The following PROKR1 variants were observed in gnomAD, a reference collection of about 807,000 sequenced individuals.
PROKR1 encodes prokineticin receptor 1, also known as G protein-coupled receptor 73.
A neutral mutation model predicts 22.8 loss-of-function variants in PROKR1; 21 were observed. The ratio of observed to expected loss-of-function variants is 0.92; its 90% CI spans 0.65 to 1.32. PROKR1 has a LOEUF of 1.32. Ranked by LOEUF, PROKR1 falls within the 40% of genes most tolerant of loss-of-function variation. The pLI is 0.00. For missense variants in PROKR1, 548 were observed against 514.2 expected, an observed-to-expected ratio of 1.07 and a Z score of -0.64; for synonymous variants, 193 against 207.5, an observed-to-expected ratio of 0.93 and a Z score of 0.60.
At position 68,652,985 on chromosome 2, in the gene PROKR1, A is replaced by G. The variant is rs1409369928; in HGVS notation, c.486-1895A>G. On this transcript the variant is annotated intron_variant, in intron 2 of 2. Transcript: ENST00000303786. ...AGAATTATGTGGTGAAAATTCTTAT[A>G]GTGAATAAATATGAAATAGGAAATT... Among the ~76,000 whole-genome samples the G allele has an allele frequency of 3.3e-5, 5 of 152,262 alleles. No homozygotes were observed. The East Asian group carries it at 9.6e-4, about 29-fold the overall frequency.
chr2:68,652,648 A>G (rs1408285357), intron 2 of PROKR1, among the ~76,000 whole-genome samples: 4 of 149,808 alleles, frequency 2.7e-5, no homozygotes, highest in Non-Finnish European at 5.9e-5. Flanking sequence ...TGTATACAGA[A>G]TAGCTCTGGG....
Position 68,646,147 on chromosome 2 carries a change from T to C in PROKR1, c.326T>C (p.Phe109Ser), listed in dbSNP as rs1405636354. 6.2e-7 allele frequency: 1 copy of C among 1,609,402 alleles called. No individual in the cohort carries two copies. The highest frequency in any genetic ancestry group is 1.1e-5 in the South Asian group (1 of 90,392). ...LLIANLAISD[F>S]LVAIVCCPFE... ...ATCGCCAACCTGGCCATCTCTGACTTCCTGGTGGCCATTGTCTGCTGCCCC... is the reference window on the plus strand; with the variant it reads ...ATCGCCAACCTGGCCATCTCTGACTCCCTGGTGGCCATTGTCTGCTGCCCC... The change falls in exon 2 of 3, where the codon TTC (phenylalanine) becomes TCC (serine). Residue 109 changes from phenylalanine (F) to serine (S), a missense_variant. Coordinates refer to ENST00000303786, the MANE Select transcript of PROKR1 (RefSeq NM_138964.4).
rs574890319 is a variant in PROKR1, at chr2:68,655,949, G to A, written c.*373G>A. 46 of 337,394 alleles carry A rather than the reference G, an allele frequency of 1.4e-4. 4 individuals carry two copies. Among genetic ancestry groups the A allele is most frequent in the South Asian group, 9.0e-4 (35 of 38,872 alleles). The allele number at this position is 337,394 out of a possible 1,614,324, so 20.9% of individuals were successfully genotyped here. Reference sequence around the variant, plus strand: ...ATCTAGGATTGCAGTACATGTGTTCGTAGTGTGAGAGTATCTCTGGGACTA... The same window carrying A: ...ATCTAGGATTGCAGTACATGTGTTCATAGTGTGAGAGTATCTCTGGGACTA... On this transcript the variant is annotated 3_prime_UTR_variant, in exon 3 of 3. Transcript: ENST00000303786.
intron 1 of PROKR1, among the ~76,000 whole-genome samples, chr2:68,644,668 C>T (rs2104177662): frequency 6.6e-6 from 1 of 152,338 alleles, no homozygotes; most frequent in South Asian, 2.1e-4. Flanking sequence ...ATTCTTCCCT[C>T]TGTTCTCCTG....
intron 1 of PROKR1, among the ~76,000 whole-genome samples, chr2:68,644,423 A>G (rs1051356440): frequency 6.6e-6 from 1 of 152,124 alleles, no homozygotes; most frequent in African/African-American, 2.4e-5. Flanking sequence ...GGGCTGAGCC[A>G]GACAGAATTG....
Position 68,655,961 on chromosome 2 carries a change from T to C in PROKR1, c.*385T>C, listed in dbSNP as rs1260832755. On this transcript the variant is annotated 3_prime_UTR_variant, in exon 3 of 3. Coordinates refer to ENST00000303786, the MANE Select transcript of PROKR1 (RefSeq NM_138964.4). ...AGTACATGTGTTCGTAGTGTGAGAGTATCTCTGGGACTATTCTTGCACTGG... is the reference window on the plus strand; with the variant it reads ...AGTACATGTGTTCGTAGTGTGAGAGCATCTCTGGGACTATTCTTGCACTGG... 1 of 325,490 alleles carries C rather than the reference T, an allele frequency of 3.1e-6. No individual in the cohort carries two copies. The highest frequency in any genetic ancestry group is 4.6e-5 in the Admixed American group (1 of 21,734). 20.2% of individuals were successfully genotyped at this position (325,490 alleles called of 1,614,324 possible). A position where few individuals can be genotyped will look rare whatever the true frequency, so the allele number is the denominator to read the frequency against.
At chr2:68,645,111 C>T (rs1673145103) in intron 1 of PROKR1, among the ~76,000 whole-genome samples, 1 of 152,218 alleles carries the variant, frequency 6.6e-6, no homozygotes, top group Non-Finnish European at 1.5e-5. Flanking sequence ...CCATTCTCAT[C>T]ACTTGGTTAG....
In PROKR1 at chr2:68,643,664, G is replaced by A. The variant is rs998535408; in HGVS notation, c.-345G>A. ...GGACAGGGAGTCCGGCGCGGGCCGGGTCGGGGGATCTGCAGCGGCGGCGCG... is the reference window on the plus strand; with the variant it reads ...GGACAGGGAGTCCGGCGCGGGCCGGATCGGGGGATCTGCAGCGGCGGCGCG... On this transcript the variant is annotated 5_prime_UTR_variant, in exon 1 of 3. Transcript: ENST00000303786. 3.3e-5 allele frequency: 5 copies of A among 152,340 alleles called. No individual in the cohort carries two copies. The highest frequency in any genetic ancestry group is 3.3e-4 in the Admixed American group (5 of 15,290). The allele number at this position is 152,340 out of a possible 1,614,324, so 9.4% of individuals were successfully genotyped here.
chr2:68,645,504 T>A (rs548157767), intron 1 of PROKR1, among the ~76,000 whole-genome samples, 158 bp from the exon 2 acceptor site: 46 of 152,290 alleles, frequency 3.0e-4, no homozygotes, highest in Middle Eastern at 3.4e-3. Flanking sequence ...AGTATGTGGT[T>A]TTCATTCATT....
chr2:68,646,499 A>G (rs1673182672), intron 2 of PROKR1, among the ~76,000 whole-genome samples, 193 bp downstream of exon 2: 1 of 152,212 alleles, frequency 6.6e-6, no homozygotes, highest in Non-Finnish European at 1.5e-5. Flanking sequence ...CTTTGTTCAG[A>G]CAGAAGACAG....
chr2:68,647,586 G>A (rs1673215184), intron 2 of PROKR1, among the ~76,000 whole-genome samples: 1 of 152,132 alleles, frequency 6.6e-6, no homozygotes, highest in South Asian at 2.1e-4. Flanking sequence ...GAGACCGTAG[G>A]CAGGGCGACC....
intron 2 of PROKR1, among the ~76,000 whole-genome samples, 194 bp from the exon 3 acceptor site, chr2:68,654,686 T>C (rs541398821): frequency 3.5e-4 from 53 of 151,924 alleles, no homozygotes; most frequent in African/African-American, 1.3e-3. Flanking sequence ...TAGTCCCAGC[T>C]ACTTGGGAGG....
intron 2 of PROKR1, among the ~76,000 whole-genome samples, chr2:68,650,817 T>C (rs1673299374): frequency 6.6e-6 from 1 of 152,102 alleles, no homozygotes; most frequent in Non-Finnish European, 1.5e-5. Context: ...GGAGGCTTCA[T>C]GGAGGAGGTG....
Position 68,655,441 on chromosome 2 carries a change from C to T in PROKR1, c.1047C>T (p.Thr349=). ...TLCFVTVKND[T]VKYFKKIMLL... is the part of the protein sequence containing the mutation. ...GCTTCGTGACCGTCAAGAACGACACCGTCAAGTACTTCAAAAAGATCATGT... is the reference window on the plus strand; with the variant it reads ...GCTTCGTGACCGTCAAGAACGACACTGTCAAGTACTTCAAAAAGATCATGT... The change falls in exon 3 of 3, where the codon ACC becomes ACT. Residue 349 remains threonine, a synonymous_variant. Transcript: ENST00000303786. 6.2e-7 allele frequency: 1 copy of T among 1,614,038 alleles called. No individual in the cohort carries two copies. Among genetic ancestry groups the T allele is most frequent in the Non-Finnish European group, 8.5e-7 (1 of 1,179,898 alleles).
intron 1 of PROKR1, among the ~76,000 whole-genome samples, chr2:68,645,456 C>G (rs1348040587): frequency 6.6e-6 from 1 of 152,238 alleles, no homozygotes; most frequent in Non-Finnish European, 1.5e-5. Context: ...TGAGCCAGTG[C>G]TTGATTGTCT....
chr2:68,645,125 C>T (rs996759266), intron 1 of PROKR1, among the ~76,000 whole-genome samples: 17 of 152,246 alleles, frequency 1.1e-4, no homozygotes, highest in African/African-American at 3.9e-4. Flanking sequence ...TGGTTAGTCA[C>T]AGGCTGTGAC....
Position 68,648,656 on chromosome 2 carries a change from A to G in PROKR1, c.485+2350A>G, listed in dbSNP as rs143016597. On this transcript the variant is annotated intron_variant, in intron 2 of 2. Transcript: ENST00000303786. ...TGTTGTTACCATCTAATTGTGGTCT[A>G]GGAATCATTAATTTTTCTCTGGTCT... 7.7e-3 allele frequency among the ~76,000 whole-genome samples: 1,171 copies of G among 152,324 alleles called. 16 individuals are homozygous for G. The highest frequency in any genetic ancestry group is 0.027 in the African/African-American group (1,119 of 41,578).
Position 68,657,952 on chromosome 2 carries a change from A to C in PROKR1, c.*2376A>C, listed in dbSNP as rs945986082. 6.6e-6 allele frequency: 1 copy of C among 152,342 alleles called. No individual in the cohort carries two copies. 9.4% of individuals were successfully genotyped at this position (152,342 alleles called of 1,614,324 possible). ...ATTTTTATTTTTTATATAAGATCATATATTGCATTCTAAAATCTGGAAGGT... is the reference window on the plus strand; with the variant it reads ...ATTTTTATTTTTTATATAAGATCATCTATTGCATTCTAAAATCTGGAAGGT... On this transcript the variant is annotated 3_prime_UTR_variant, in exon 3 of 3. Coordinates refer to ENST00000303786, the MANE Select transcript of PROKR1 (RefSeq NM_138964.4).
Position 68,645,697 on chromosome 2 carries a change from T to C in PROKR1, c.-125T>C. 7.5e-7 allele frequency: 1 copy of C among 1,331,202 alleles called. No individual in the cohort carries two copies. The highest frequency in any genetic ancestry group is 1.2e-5 in the South Asian group (1 of 82,378). The allele number at this position is 1,331,202 out of a possible 1,614,324, so 82.5% of individuals were successfully genotyped here. On this transcript the variant is annotated 5_prime_UTR_variant, in exon 2 of 3. An upstream start codon of the reference 5' UTR is lost. Coordinates refer to ENST00000303786, the MANE Select transcript of PROKR1 (RefSeq NM_138964.4). ...GAGCTCAGATACCATACCCCAAAGATGCTGGCAGAGACATTCTGACTCATT... is the reference window on the plus strand; with the variant it reads ...GAGCTCAGATACCATACCCCAAAGACGCTGGCAGAGACATTCTGACTCATT...
Sources: allele counts gnomAD v4.1 joint callset (sites outside exome capture counted in the v4.1 genomes callset), GRCh38; gene constraint gnomAD v4.1.1; transcripts MANE v1.5; gene names NCBI Gene and HGNC (gene_info 2026-07-23, HGNC 2026-07-21).